Variants in ENTREP1 observed in about 807,000 individuals in gnomAD.
ENTREP1 encodes Friedreich ataxia region gene X123.
chr9:69,364,702 A>G, the ENTREP1 span, among the ~76,000 whole-genome samples: 1 of 152,170 alleles, frequency 6.6e-6, no homozygotes, highest in African/African-American at 2.4e-5. Flanking sequence ...TGTGTCTCAT[A>G]TATGCCACAG....
At chr9:69,367,084 T>C in the ENTREP1 span, among the ~76,000 whole-genome samples, 1 of 126,432 alleles carries the variant, frequency 7.9e-6, no homozygotes, top group South Asian at 2.9e-4. Flanking sequence ...ACCTGGCTAA[T>C]TAAACAATTT....
chr9:69,377,086 T>C, the ENTREP1 span, among the ~76,000 whole-genome samples: 1 of 152,178 alleles, frequency 6.6e-6, no homozygotes, highest in South Asian at 2.1e-4. Context: ...ATTCTGATGC[T>C]TGCAAAAAGA....
At chr9:69,325,085 A>G in the ENTREP1 span, 13 of 985,238 alleles carry the variant, frequency 1.3e-5, no homozygotes, top group Non-Finnish European at 1.6e-5. Flanking sequence ...GCCCAGGGCC[A>G]GCGGGAGGCG....
the ENTREP1 span, chr9:69,329,777 T>C: frequency 1.1e-5 from 4 of 361,834 alleles, no homozygotes; most frequent in Non-Finnish European, 1.5e-5. Context: ...GTGCGTTTAG[T>C]GTTAACTAGA....
the ENTREP1 span, chr9:69,388,417 G>GGA: frequency 2.2e-5 from 36 of 1,607,504 alleles, no homozygotes; most frequent in Non-Finnish European, 1.9e-5. Flanking sequence ...AGCACATGGA[G>GGA]GAAGCCATCA....
the ENTREP1 span, among the ~76,000 whole-genome samples, chr9:69,334,837 C>T: frequency 7.0e-5 from 10 of 143,496 alleles, no homozygotes; most frequent in Admixed American, 3.7e-4. Flanking sequence ...AGTGCAGTGG[C>T]GCGATCTCAG....
At chr9:69,335,863 A>G in the ENTREP1 span, among the ~76,000 whole-genome samples, 2 of 152,246 alleles carry the variant, frequency 1.3e-5, no homozygotes, top group African/African-American at 4.8e-5. Context: ...GTGCGCCTGT[A>G]GTCCTAGCTA....
chr9:69,330,573 A>G, the ENTREP1 span, among the ~76,000 whole-genome samples: 1 of 152,256 alleles, frequency 6.6e-6, no homozygotes, highest in Non-Finnish European at 1.5e-5. Flanking sequence ...AGAAAAATCA[A>G]TGGACTAAAC....
the ENTREP1 span, chr9:69,325,021 A>C: frequency 1.0e-6 from 1 of 985,332 alleles, no homozygotes. Flanking sequence ...GCTGTGGCGC[A>C]CTTGCCCCGG....
At chr9:69,344,434 A>G in the ENTREP1 span, among the ~76,000 whole-genome samples, 2 of 152,170 alleles carry the variant, frequency 1.3e-5, no homozygotes, top group South Asian at 2.1e-4. Context: ...TCCAATTTGT[A>G]TTTGGAGGGA....
the ENTREP1 span, among the ~76,000 whole-genome samples, chr9:69,353,005 C>T: frequency 6.6e-6 from 1 of 152,136 alleles, no homozygotes; most frequent in African/African-American, 2.4e-5. Flanking sequence ...GTCATAGTGA[C>T]ACATGCATGT....
chr9:69,383,329 C>A, the ENTREP1 span: 1 of 1,050,368 alleles, frequency 9.5e-7, no homozygotes, highest in African/African-American at 1.6e-5. Flanking sequence ...ATTCCCTTCT[C>A]CCCCATCCCC....
At chr9:69,339,913 G>A in the ENTREP1 span, among the ~76,000 whole-genome samples, 1 of 152,084 alleles carries the variant, frequency 6.6e-6, no homozygotes, top group South Asian at 2.1e-4. Flanking sequence ...TACTGGCTTT[G>A]TGGTCTGTGA....
the ENTREP1 span, among the ~76,000 whole-genome samples, chr9:69,367,750 T>TAAATATATATATACATATATAA: frequency 1.4e-4 from 17 of 124,486 alleles, no homozygotes; most frequent in Admixed American, 5.4e-4. Context: ...TACACATATA[T>TAAATATATATATACATATATAA]AAATATATAT....
chr9:69,331,044 G>GT, the ENTREP1 span, among the ~76,000 whole-genome samples: 2 of 151,854 alleles, frequency 1.3e-5, no homozygotes, highest in Non-Finnish European at 2.9e-5. Context: ...TTCTCAATTT[G>GT]TTTTTTTTAA....
the ENTREP1 span, among the ~76,000 whole-genome samples, chr9:69,365,979 G>T: frequency 1.3e-5 from 2 of 152,072 alleles, no homozygotes; most frequent in African/African-American, 4.8e-5. Flanking sequence ...GAATAGTACT[G>T]CAATAAACAT....
At chr9:69,331,538 A>G in the ENTREP1 span, among the ~76,000 whole-genome samples, 5 of 152,168 alleles carry the variant, frequency 3.3e-5, no homozygotes, top group Admixed American at 6.5e-5. Context: ...TCATAATAAT[A>G]TAGAGATTGT....
At chr9:69,380,676 C>T in the ENTREP1 span, 17 of 152,232 alleles carry the variant, frequency 1.1e-4, no homozygotes. Context: ...TCCGCTACTC[C>T]AGGGTGTCTC....
chr9:69,354,846 G>A, the ENTREP1 span, among the ~76,000 whole-genome samples: 59 of 152,176 alleles, frequency 3.9e-4, no homozygotes, highest in African/African-American at 1.4e-3. Context: ...AATCTTTTAT[G>A]TTAAAAAATG....
Sources: allele counts gnomAD v4.1 joint callset (sites outside exome capture counted in the v4.1 genomes callset), GRCh38; gene constraint gnomAD v4.1.1; transcripts MANE v1.5; gene names NCBI Gene and HGNC (gene_info 2026-07-23, HGNC 2026-07-21).